The following CDYL2 variants were observed in gnomAD, a reference collection of about 807,000 sequenced individuals.
CDYL2 encodes chromodomain Y like 2.
A neutral mutation model predicts 49.4 loss-of-function variants in CDYL2; 23 were observed. The ratio of observed to expected loss-of-function variants is 0.47; its 90% CI spans 0.34 to 0.66. The LOEUF is 0.66. Ranked by LOEUF, CDYL2 falls within the 30% of genes least tolerant of loss-of-function variation. The probability of loss-of-function intolerance (pLI) is 0.01; values close to 1 mark genes in which losing one functional copy is unlikely to be tolerated. For synonymous variants in CDYL2, 360 were observed against 268.8 expected, an observed-to-expected ratio of 1.34 and a Z score of -3.32; for missense variants, 678 against 656.4, an observed-to-expected ratio of 1.03 and a Z score of -0.36.
chr16:80,719,548 A>G (rs561966819), intron 1 of CDYL2, among the ~76,000 whole-genome samples: 149 of 152,320 alleles, frequency 9.8e-4, no homozygotes, highest in African/African-American at 3.5e-3. Context: ...ATCACTAGAT[A>G]ATTTTCAGCT....
Position 80,688,756 on chromosome 16 carries a change from T to G in CDYL2, c.25-3627A>C, listed in dbSNP as rs533281094. ...TCTCAGGAGCACCTCAAACAGAACCTGAATTGTAATTTGTTCTGTTGATAG... is the reference window on the plus strand; with the variant it reads ...TCTCAGGAGCACCTCAAACAGAACCGGAATTGTAATTTGTTCTGTTGATAG... On this transcript the variant is annotated intron_variant, in intron 1 of 6. Transcript: ENST00000570137. Among the ~76,000 whole-genome samples, 3 of 152,336 alleles carry G rather than the reference T, an allele frequency of 2.0e-5. No homozygotes were observed. In the South Asian group the frequency reaches 6.2e-4, roughly 32 times the overall value.
At chr16:80,721,006 C>T (rs981283025) in intron 1 of CDYL2, among the ~76,000 whole-genome samples, 4 of 152,092 alleles carry the variant, frequency 2.6e-5, no homozygotes, top group Middle Eastern at 3.2e-3. Flanking sequence ...ATAATGAGCT[C>T]ATCCTGGAGA....
At chr16:80,650,821 A>T (rs1210869602) in intron 2 of CDYL2, among the ~76,000 whole-genome samples, 2 of 152,078 alleles carry the variant, frequency 1.3e-5, no homozygotes, top group Non-Finnish European at 2.9e-5. Context: ...CTGCAACAAC[A>T]CAGATGGAAC....
At chr16:80,766,808 A>G (rs1244418376) in intron 1 of CDYL2, among the ~76,000 whole-genome samples, 2 of 152,246 alleles carry the variant, frequency 1.3e-5, no homozygotes, top group African/African-American at 4.8e-5. Context: ...AGTAGCATTT[A>G]AAAGGAAGAA....
chr16:80,627,088 T>C (rs1023809901), intron 3 of CDYL2, among the ~76,000 whole-genome samples: 1 of 152,140 alleles, frequency 6.6e-6, no homozygotes, highest in Non-Finnish European at 1.5e-5. Context: ...TGGATGTCAA[T>C]CTGAATTGAG....
intron 2 of CDYL2, among the ~76,000 whole-genome samples, chr16:80,671,998 C>A (rs894629231): frequency 7.9e-5 from 12 of 152,150 alleles, no homozygotes; most frequent in African/African-American, 2.9e-4. Flanking sequence ...TGTGGGATCA[C>A]AAGTGTTTTG....
rs1282167328 is a variant in CDYL2 at position 80,804,582 on chromosome 16, C to G, written c.-409G>C. On this transcript the variant is annotated 5_prime_UTR_variant, in exon 1 of 7. Transcript: ENST00000570137. ...AGCCGCCCGGCGCCCGCCGCCGGCC[C>G]GGACGCTGCTGCCACTGGGCGAGTC... 6.9e-6 allele frequency among the ~76,000 whole-genome samples: 1 copy of G among 145,364 alleles called. No homozygotes were observed. Among genetic ancestry groups the G allele is most frequent in the Non-Finnish European group, 1.5e-5 (1 of 65,434 alleles).
At chr16:80,620,069 C>T (rs1231848645) in intron 4 of CDYL2, among the ~76,000 whole-genome samples, 1 of 152,166 alleles carries the variant, frequency 6.6e-6, no homozygotes, top group Non-Finnish European at 1.5e-5. Flanking sequence ...CAGCAGCACC[C>T]GCCAGGTGAA....
intron 1 of CDYL2, among the ~76,000 whole-genome samples, chr16:80,763,158 T>C (rs1342442087): frequency 7.2e-6 from 1 of 138,838 alleles, no homozygotes; most frequent in Non-Finnish European, 1.6e-5. Flanking sequence ...TAACTAATCC[T>C]GTATTCCCAC....
chr16:80,757,784 T>C (rs1426736473), intron 1 of CDYL2, among the ~76,000 whole-genome samples: 1 of 151,714 alleles, frequency 6.6e-6, no homozygotes, highest in African/African-American at 2.4e-5. Flanking sequence ...AATAACAAAT[T>C]ATTGGAGGAC....
intron 2 of CDYL2, among the ~76,000 whole-genome samples, chr16:80,674,498 C>T (rs1909661813): frequency 6.6e-6 from 1 of 152,024 alleles, no homozygotes; most frequent in South Asian, 2.1e-4. Flanking sequence ...ATATAAAGTG[C>T]ACAATTCAGT....
chr16:80,632,930 G>C, intron 3 of CDYL2, 89 bp downstream of exon 3: 1 of 1,323,292 alleles, frequency 7.6e-7, no homozygotes, highest in Non-Finnish European at 1.1e-6. Context: ...TCAGCTCCCT[G>C]ATGGAAGGAA....
At chr16:80,751,483 C>G (rs796643428) in intron 1 of CDYL2, among the ~76,000 whole-genome samples, 7 of 152,308 alleles carry the variant, frequency 4.6e-5, no homozygotes, top group African/African-American at 1.7e-4. Flanking sequence ...CTAAGGAGAG[C>G]TTTCAACAGT....
At chr16:80,778,577 G>T (rs1412140419) in intron 1 of CDYL2, among the ~76,000 whole-genome samples, 1 of 151,938 alleles carries the variant, frequency 6.6e-6, no homozygotes, top group Non-Finnish European at 1.5e-5. Flanking sequence ...ACATACAAAA[G>T]AAAGTCTTTT....
chr16:80,607,770 G>A (rs898753344), intron 6 of CDYL2, among the ~76,000 whole-genome samples: 3 of 152,096 alleles, frequency 2.0e-5, no homozygotes, highest in African/African-American at 4.8e-5. Flanking sequence ...GCTGCTTCTC[G>A]TTTCTTTGAA....
chr16:80,678,141 C>G (rs1435970436), intron 2 of CDYL2, among the ~76,000 whole-genome samples: 3 of 152,186 alleles, frequency 2.0e-5, no homozygotes, highest in Non-Finnish European at 2.9e-5. Flanking sequence ...AACGCTAGAC[C>G]TAAAACCATA....
intron 1 of CDYL2, among the ~76,000 whole-genome samples, chr16:80,741,098 G>A (rs1372975883): frequency 1.3e-5 from 2 of 150,350 alleles, no homozygotes; most frequent in Non-Finnish European, 1.5e-5. Flanking sequence ...CTACAATAAG[G>A]TAGTAAGTAA....
chr16:80,624,909 C>A (rs1275870492), intron 3 of CDYL2, among the ~76,000 whole-genome samples: 1 of 152,038 alleles, frequency 6.6e-6, no homozygotes, highest in African/African-American at 2.4e-5. Flanking sequence ...CACAGAAAAA[C>A]AGAGATGGAA....
Position 80,667,058 on chromosome 16 carries a change from TAAAAACGGAAACTG to T in CDYL2, c.616+17466_616+17479del, listed in dbSNP as rs1567562469. ...AGAAACACCATTCCATGTGTGCAAA[TAAAAACGGAAACTG>T]AGCTATGCTGGCAGTCAGCAAAGGT... On this transcript the variant is annotated intron_variant, in intron 2 of 6. Coordinates refer to ENST00000570137, the MANE Select transcript of CDYL2 (RefSeq NM_152342.4). Among the ~76,000 whole-genome samples the T allele has an allele frequency of 2.0e-5, 3 of 151,976 alleles. No homozygotes were observed. The East Asian group carries it at 5.8e-4, about 29-fold the overall frequency.
Sources: allele counts gnomAD v4.1 joint callset (sites outside exome capture counted in the v4.1 genomes callset), GRCh38; gene constraint gnomAD v4.1.1; transcripts MANE v1.5; gene names NCBI Gene and HGNC (gene_info 2026-07-23, HGNC 2026-07-21).